Variants in NBEAL1 observed in about 807,000 individuals in gnomAD.
NBEAL1 encodes the protein neurobeachin-like protein 1.
Under a neutral mutation model 351.3 loss-of-function variants are expected in NBEAL1, and 273 were observed. That is an observed-to-expected ratio of 0.78 (90% CI 0.70 to 0.86). The LOEUF is 0.86. Among genes scored for constraint, NBEAL1 ranks in the 40% least tolerant of loss-of-function variants. The probability of loss-of-function intolerance (pLI) is 0.00; values close to 1 mark genes in which losing one functional copy is unlikely to be tolerated. For synonymous variants in NBEAL1, 1,050 were observed against 1,086.4 expected, an observed-to-expected ratio of 0.97 and a Z score of 0.66; for missense variants, 2,961 against 3,201.3, an observed-to-expected ratio of 0.92 and a Z score of 1.81.
intron 54 of NBEAL1, among the ~76,000 whole-genome samples, chr2:203,212,643 A>C (rs2105855149): frequency 6.6e-6 from 1 of 152,026 alleles, no homozygotes; most frequent in African/African-American, 2.4e-5. Flanking sequence ...GGGAAATATC[A>C]ATATTTGTGT....
chr2:203,134,758 C>G (rs546090939), intron 27 of NBEAL1, among the ~76,000 whole-genome samples: 1 of 152,292 alleles, frequency 6.6e-6, no homozygotes, highest in South Asian at 2.1e-4. Flanking sequence ...GTTTACTATT[C>G]TAGCTAAGCA....
intron 42 of NBEAL1, among the ~76,000 whole-genome samples, chr2:203,178,486 C>G (rs2064595334): frequency 1.3e-5 from 2 of 151,910 alleles, no homozygotes; most frequent in African/African-American, 4.8e-5. Flanking sequence ...TAATTTATAA[C>G]CAAAAAGTAG....
chr2:203,033,027 G>A (rs1002313072), intron 2 of NBEAL1, among the ~76,000 whole-genome samples: 1 of 151,526 alleles, frequency 6.6e-6, no homozygotes, highest in African/African-American at 2.4e-5. Context: ...TTGAGACGGA[G>A]TCTCGCTCTG....
At chr2:203,091,053 A>C (rs2062055462) in intron 10 of NBEAL1, among the ~76,000 whole-genome samples, 1 of 152,164 alleles carries the variant, frequency 6.6e-6, no homozygotes, top group African/African-American at 2.4e-5. Context: ...AGTGGTGTTA[A>C]ATACATTTAC....
intron 2 of NBEAL1, among the ~76,000 whole-genome samples, chr2:203,032,729 A>G (rs2060970868): frequency 8.4e-6 from 1 of 118,476 alleles, no homozygotes; most frequent in South Asian, 3.0e-4. Flanking sequence ...CAATGGTGCC[A>G]TCTTGGCTCA....
chr2:203,205,278 A>C (rs921505543), intron 51 of NBEAL1, among the ~76,000 whole-genome samples: 13 of 152,176 alleles, frequency 8.5e-5, no homozygotes, highest in Non-Finnish European at 1.6e-4. Flanking sequence ...AGTCTCTTTT[A>C]GTATCTCCCT....
intron 2 of NBEAL1, 84 bp from the exon 3 acceptor site, chr2:203,041,681 T>G: frequency 2.4e-6 from 2 of 819,092 alleles, no homozygotes; most frequent in South Asian, 3.2e-5. Flanking sequence ...GTATTGATTC[T>G]TTAGGTATCT....
chr2:203,189,188 C>T (rs992804923), intron 45 of NBEAL1, among the ~76,000 whole-genome samples: 2 of 152,086 alleles, frequency 1.3e-5, no homozygotes, highest in African/African-American at 4.8e-5. Flanking sequence ...AATTACTAGT[C>T]GTGTAACAAT....
At chr2:203,034,115 T>A (rs1025686420) in intron 2 of NBEAL1, among the ~76,000 whole-genome samples, 10 of 152,158 alleles carry the variant, frequency 6.6e-5, no homozygotes, top group Non-Finnish European at 1.3e-4. Flanking sequence ...GTCTTTATAT[T>A]CATGGTCTAG....
chr2:203,108,711 C>T (rs1306165262), intron 14 of NBEAL1, among the ~76,000 whole-genome samples: 2 of 151,994 alleles, frequency 1.3e-5, no homozygotes, highest in African/African-American at 4.8e-5. Flanking sequence ...CCACAAGTTT[C>T]CTTCTTAAAA....
At chr2:203,180,216 A>G (rs1439292475) in intron 42 of NBEAL1, among the ~76,000 whole-genome samples, 166 bp from the exon 43 acceptor site, 1 of 152,214 alleles carries the variant, frequency 6.6e-6, no homozygotes, top group Non-Finnish European at 1.5e-5. Context: ...AAAGATAGAG[A>G]TTATCATAAT....
At chr2:203,139,846 G>A (rs2063322795) in intron 31 of NBEAL1, among the ~76,000 whole-genome samples, 1 of 151,862 alleles carries the variant, frequency 6.6e-6, no homozygotes, top group South Asian at 2.1e-4. Flanking sequence ...GATTACAGGT[G>A]TGAACCACTG....
intron 35 of NBEAL1, among the ~76,000 whole-genome samples, chr2:203,157,407 A>G (rs994469843): frequency 6.6e-6 from 1 of 152,124 alleles, no homozygotes; most frequent in Non-Finnish European, 1.5e-5. Flanking sequence ...CAACCTTTAG[A>G]ATTAAATATA....
At chr2:203,202,048 A>G (rs1473747901) in intron 50 of NBEAL1, among the ~76,000 whole-genome samples, 1 of 152,176 alleles carries the variant, frequency 6.6e-6, no homozygotes, top group Non-Finnish European at 1.5e-5. Context: ...CTGCTCTATT[A>G]CTTTGTTAAC....
intron 27 of NBEAL1, 47 bp downstream of exon 27, chr2:203,133,193 C>A: frequency 2.5e-6 from 2 of 797,390 alleles, no homozygotes; most frequent in East Asian, 3.0e-5. Flanking sequence ...GCATCACCAT[C>A]ATGCTATAAA....
Position 203,036,015 on chromosome 2 carries a change from C to T in NBEAL1, c.52-5750C>T, listed in dbSNP as rs2061035086. Among the ~76,000 whole-genome samples the T allele has an allele frequency of 1.3e-5, 2 of 149,294 alleles. 1 individual carries two copies. The highest frequency in any genetic ancestry group is 3.0e-5 in the Non-Finnish European group (2 of 66,598). On this transcript the variant is annotated intron_variant, in intron 2 of 55. Coordinates refer to ENST00000683969, the MANE Select transcript of NBEAL1 (RefSeq NM_001378026.1). ...ATAGAGGAAGAAAGTCATGTACAAA[C>T]ATAGGCTGACTTGTTTAAGAAAGTA...
At chr2:203,081,131 T>C (rs1295424500) in intron 8 of NBEAL1, among the ~76,000 whole-genome samples, 1 of 152,234 alleles carries the variant, frequency 6.6e-6, no homozygotes, top group African/African-American at 2.4e-5. Context: ...GTTTGTTGAA[T>C]ATGGCATTAG....
At chr2:203,025,295 A>G (rs2060838822) in intron 2 of NBEAL1, among the ~76,000 whole-genome samples, 1 of 152,260 alleles carries the variant, frequency 6.6e-6, no homozygotes, top group Non-Finnish European at 1.5e-5. Flanking sequence ...TAATATGCTT[A>G]AAGTAATTTA....
At chr2:203,132,912 T>G (rs1302595612) in intron 26 of NBEAL1, 146 bp from the exon 27 acceptor site, 2 of 534,682 alleles carry the variant, frequency 3.7e-6, no homozygotes, top group African/African-American at 4.0e-5. Context: ...ATTCTAAACC[T>G]ATTTTTTCTT....
Sources: gnomAD v4.1 joint callset for allele counts (sites outside exome capture counted in the v4.1 genomes callset) on GRCh38, gnomAD v4.1.1 for gene constraint, MANE v1.5 for transcripts, NCBI Gene and HGNC (gene_info 2026-07-23, HGNC 2026-07-21) for gene names.